Variants in PRKAG2 observed in about 807,000 individuals in gnomAD.
PRKAG2 encodes the protein protein kinase AMP-activated non-catalytic subunit gamma 2.
In PRKAG2, 26 loss-of-function variants were observed where a neutral mutation model predicts 69.6. That is an observed-to-expected ratio of 0.37 (90% confidence interval 0.27 to 0.52). The LOEUF is 0.52. Ranked by LOEUF, PRKAG2 falls within the 20% of genes least tolerant of loss-of-function variation. The pLI is 0.90. For synonymous variants in PRKAG2, 293 were observed against 285.0 expected (o/e 1.03, Z -0.28); for missense variants, 557 against 740.0 (o/e 0.75, Z 2.87).
rs1824666366 is a variant in PRKAG2, at chr7:151,632,112, G to A, written c.711C>T (p.Pro237=). 1 of 1,414,712 alleles carries A rather than the reference G, an allele frequency of 7.1e-7. No individual in the cohort carries two copies. Among genetic ancestry groups the A allele is most frequent in the East Asian group, 3.1e-5 (1 of 31,848 alleles). The allele number at this position is 1,414,712 out of a possible 1,614,324, so 87.6% of individuals were successfully genotyped here. A position where few individuals can be genotyped will look rare whatever the true frequency, so the allele number is the denominator to read the frequency against. Residue 237 remains proline (P), a synonymous_variant, in exon 5 of 16, where the codon CCC becomes CCT. Transcript: ENST00000287878. This position sits in a 1 kb window ranked among gnomAD's most constrained non-coding sequence, Gnocchi z 4.2. ...KAAALAAALG[P]AEAGMLEKLE... ...GCTTCTCCAGCATGCCGGCTTCCGC[G>A]GGTCCCAGGGCCGCCGCCAGCGCCG... is the stretch of plus-strand genomic sequence containing the variant.
chr7:151,714,478 C>G (rs1417912371), intron 3 of PRKAG2, among the ~76,000 whole-genome samples: 1 of 138,890 alleles, frequency 7.2e-6, no homozygotes, highest in Non-Finnish European at 1.5e-5. Context: ...CCGCCATCCT[C>G]CCATCCACGC....
intron 1 of PRKAG2, among the ~76,000 whole-genome samples, chr7:151,841,185 C>T (rs2079268445): frequency 1.3e-5 from 2 of 152,106 alleles, no homozygotes; most frequent in South Asian, 4.1e-4. Context: ...ACAGGGTTTC[C>T]CTATGTTGCC....
intron 3 of PRKAG2, among the ~76,000 whole-genome samples, chr7:151,752,732 C>T (rs1468994692): frequency 3.3e-5 from 5 of 152,272 alleles, no homozygotes; most frequent in South Asian, 2.1e-4. Context: ...TTTAGAAAAT[C>T]GCCTTTTGGT....
intron 4 of PRKAG2, among the ~76,000 whole-genome samples, chr7:151,670,711 A>G (rs1831879561): frequency 6.6e-6 from 1 of 152,226 alleles, no homozygotes; most frequent in African/African-American, 2.4e-5. Context: ...ATTCACTGAC[A>G]CCTTCCTATG....
At chr7:151,619,532 G>T (rs1820966094) in intron 5 of PRKAG2, among the ~76,000 whole-genome samples, 1 of 152,148 alleles carries the variant, frequency 6.6e-6, no homozygotes, top group South Asian at 2.1e-4. Context: ...CTGAGACAGT[G>T]GCACCTTTGC....
rs1346965063 is a variant in PRKAG2, at chr7:151,606,795, G to C, written c.755-11341C>G. ...AGATCCTACCACTGCACTCCAGTCT[G>C]TGCAACAGAGCAAGACTCCGTCTCA... On this transcript the variant is annotated intron_variant, in intron 5 of 15. Coordinates refer to ENST00000287878, the MANE Select transcript of PRKAG2 (RefSeq NM_016203.4). Among the ~76,000 whole-genome samples, 8 of 152,184 alleles carry C rather than the reference G, an allele frequency of 5.3e-5. No individual in the cohort carries two copies. In the East Asian group the frequency reaches 1.5e-3, roughly 29 times the overall value.
chr7:151,736,899 C>G (rs2073457796), intron 3 of PRKAG2, among the ~76,000 whole-genome samples: 2 of 152,182 alleles, frequency 1.3e-5, no homozygotes, highest in African/African-American at 4.8e-5. Flanking sequence ...AGGCTCAGGA[C>G]AGGGAGGTGA....
intron 5 of PRKAG2, among the ~76,000 whole-genome samples, chr7:151,610,658 C>A (rs1818573849): frequency 6.6e-6 from 1 of 150,912 alleles, no homozygotes; most frequent in Admixed American, 6.6e-5. Context: ...GCCTGGGGGA[C>A]AGAGCGAGAC....
intron 4 of PRKAG2, among the ~76,000 whole-genome samples, chr7:151,668,631 C>T (rs933471276): frequency 5.3e-5 from 8 of 152,160 alleles, no homozygotes; most frequent in African/African-American, 1.7e-4. Flanking sequence ...ATAACTAAAG[C>T]CTGTCTTGTG....
At chr7:151,568,870 G>T in intron 10 of PRKAG2, 28 bp from the exon 11 acceptor site, 1 of 1,612,508 alleles carries the variant, frequency 6.2e-7, no homozygotes, top group Non-Finnish European at 8.5e-7. Context: ...AAAGTTGTTA[G>T]GAGGCTTTCG....
intron 3 of PRKAG2, among the ~76,000 whole-genome samples, chr7:151,685,248 C>T (rs1378451833): frequency 6.6e-6 from 1 of 152,142 alleles, no homozygotes; most frequent in Non-Finnish European, 1.5e-5. Flanking sequence ...ACTATTCTAC[C>T]TCCCACAGCC....
At chr7:151,775,436 C>A (rs1440159353) in intron 3 of PRKAG2, among the ~76,000 whole-genome samples, 1 of 152,216 alleles carries the variant, frequency 6.6e-6, no homozygotes, top group Non-Finnish European at 1.5e-5. Context: ...TGGTTCCTTC[C>A]CTTCCTGAGT....
chr7:151,837,117 G>A (rs918581409), intron 1 of PRKAG2, among the ~76,000 whole-genome samples: 3 of 152,202 alleles, frequency 2.0e-5, no homozygotes, highest in Non-Finnish European at 2.9e-5. Flanking sequence ...GTACAGGAGC[G>A]GTGGGGAGAC....
In PRKAG2 at chr7:151,572,489, T is replaced by C. The variant is rs571346611; in HGVS notation, c.1051+175A>G. The C allele has an allele frequency of 3.3e-5, 18 of 550,406 alleles. No homozygotes were observed. The Admixed American group carries it at 3.9e-4, about 12-fold the overall frequency. 34.1% of individuals were successfully genotyped at this position (550,406 alleles called of 1,614,324 possible). Reference sequence around the variant, plus strand: ...CTATAAACAGAAGGGACAATACTTATATTGTTCAGCTTTAGTACAGTAGCA... The same window carrying C: ...CTATAAACAGAAGGGACAATACTTACATTGTTCAGCTTTAGTACAGTAGCA... On this transcript the variant is annotated intron_variant, in intron 9 of 15. Coordinates refer to ENST00000287878, the MANE Select transcript of PRKAG2 (RefSeq NM_016203.4).
At position 151,735,700 on chromosome 7, in the gene PRKAG2, T is replaced by C. The variant is rs34078741; in HGVS notation, c.466+45452A>G. Among the ~76,000 whole-genome samples the C allele has an allele frequency of 0.46, 69,224 of 152,012 alleles. 15,978 individuals are homozygous for C. Among genetic ancestry groups the C allele is most frequent in the African/African-American group, 0.5 (20,749 of 41,454 alleles). On this transcript the variant is annotated intron_variant, in intron 3 of 15. Transcript: ENST00000287878. ...AAGGAAACAGCTTCAGAAAGAGTAT[T>C]GTCAGGCGGCTCCCCACAGCAGCAC...
intron 5 of PRKAG2, among the ~76,000 whole-genome samples, chr7:151,597,751 G>A (rs766503848): frequency 3.1e-4 from 47 of 149,540 alleles, no homozygotes; most frequent in Non-Finnish European, 6.4e-4. Context: ...ACTCCAGTTA[G>A]AATGGCTATT....
At chr7:151,826,531 T>C (rs907173840) in intron 1 of PRKAG2, among the ~76,000 whole-genome samples, 2 of 152,158 alleles carry the variant, frequency 1.3e-5, no homozygotes, top group African/African-American at 2.4e-5. Context: ...CAGCTCTTCA[T>C]AAGGAGGAAA....
chr7:151,680,836 C>T (rs1047704432), intron 3 of PRKAG2, among the ~76,000 whole-genome samples: 3 of 152,192 alleles, frequency 2.0e-5, no homozygotes, highest in African/African-American at 2.4e-5. Flanking sequence ...AGAATCAGGG[C>T]CATGGCTGTG....
At chr7:151,569,506 C>T (rs577141092) in intron 10 of PRKAG2, among the ~76,000 whole-genome samples, 6 of 152,344 alleles carry the variant, frequency 3.9e-5, no homozygotes, top group African/African-American at 7.2e-5. Context: ...CGGGCCGGCC[C>T]GGCTAGGAGA....
Sources: allele counts gnomAD v4.1 joint callset (sites outside exome capture counted in the v4.1 genomes callset), GRCh38; gene constraint gnomAD v4.1.1; non-coding constraint Gnocchi (gnomAD v3.1); transcripts MANE v1.5; gene names NCBI Gene and HGNC (gene_info 2026-07-23, HGNC 2026-07-21).